Variants in RUSF1 observed in about 807,000 individuals in gnomAD.
RUSF1 encodes the protein RUS family member 1.
A neutral mutation model predicts 63.0 loss-of-function variants in RUSF1; 58 were observed. The ratio of observed to expected loss-of-function variants is 0.92; its 90% confidence interval spans 0.75 to 1.15. The LOEUF is 1.15. Among genes scored for constraint, RUSF1 ranks in the 50% most tolerant of loss-of-function variants. The probability of loss-of-function intolerance (pLI) is 0.00; values close to 1 mark genes in which losing one functional copy is unlikely to be tolerated. For synonymous variants in RUSF1, 274 were observed against 255.8 expected, an observed-to-expected ratio of 1.07 and a Z score of -0.68; for missense variants, 652 against 611.0, an observed-to-expected ratio of 1.07 and a Z score of -0.71.
At chr16:31,491,243 CA>C (rs1431412802) in intron 12 of RUSF1, among the ~76,000 whole-genome samples, 1 of 152,174 alleles carries the variant, frequency 6.6e-6, no homozygotes, top group Non-Finnish European at 1.5e-5. Flanking sequence ...GATACCACTT[CA>C]AAGACCATTC....
chr16:31,501,377 T>C (rs2082632059), intron 2 of RUSF1, among the ~76,000 whole-genome samples: 1 of 152,060 alleles, frequency 6.6e-6, no homozygotes, highest in South Asian at 2.1e-4. Flanking sequence ...CAGGGACTGC[T>C]TGAGGCCAGG....
At chr16:31,494,267 T>A (rs1347386085) in intron 6 of RUSF1, among the ~76,000 whole-genome samples, 1 of 152,104 alleles carries the variant, frequency 6.6e-6, no homozygotes. Context: ...GCGCCTGTAA[T>A]CCTAGCAATC....
rs1402635582 is a variant in RUSF1, at chr16:31,500,744, A to C, written c.416-13T>G. 1.2e-6 allele frequency: 2 copies of C among 1,611,964 alleles called. No homozygotes were observed. Among genetic ancestry groups the C allele is most frequent in the African/African-American group, 1.3e-5 (1 of 75,024 alleles). ...ATGCCAGTTGAATCTGGGGGAAAGA[A>C]GGCACAGGTAAGGAGCAAGGAAGAG... On this transcript the variant is annotated splice_polypyrimidine_tract_variant and intron_variant, in intron 2 of 12. Coordinates refer to ENST00000327237, the MANE Select transcript of RUSF1 (RefSeq NM_022744.4).
At chr16:31,500,989 G>C (rs2082630492) in intron 2 of RUSF1, among the ~76,000 whole-genome samples, 1 of 152,122 alleles carries the variant, frequency 6.6e-6, no homozygotes, top group South Asian at 2.1e-4. Context: ...AAAAACCTGG[G>C]AATAATGCAA....
chr16:31,505,329 C>T (rs560403470), intron 2 of RUSF1, among the ~76,000 whole-genome samples: 2 of 152,036 alleles, frequency 1.3e-5, no homozygotes, highest in African/African-American at 4.8e-5. Context: ...GTTCTCCTGC[C>T]GCATTCCCCT....
chr16:31,507,492 G>T (rs1305690168), intron 2 of RUSF1, among the ~76,000 whole-genome samples: 1 of 152,168 alleles, frequency 6.6e-6, no homozygotes, highest in Non-Finnish European at 1.5e-5. Context: ...AGAGAATAGG[G>T]ATAAAGGGGA....
At position 31,489,598 on chromosome 16, in the gene RUSF1, A is replaced by C; in HGVS notation, c.*1237T>G. ...CCTTGGCATGGCCTTTGGGACTCAA[A>C]ACACAGGATCTGACTGGTGGGCACA... On this transcript the variant is annotated 3_prime_UTR_variant, in exon 13 of 13. Coordinates refer to ENST00000327237, the MANE Select transcript of RUSF1 (RefSeq NM_022744.4). 1.7e-6 allele frequency: 1 copy of C among 579,308 alleles called. No individual in the cohort carries two copies. Among genetic ancestry groups the C allele is most frequent in the South Asian group, 2.0e-5 (1 of 49,870 alleles). The allele number at this position is 579,308 out of a possible 1,614,324, so 35.9% of individuals were successfully genotyped here.
chr16:31,501,847 A>G (rs2082634507), intron 2 of RUSF1, among the ~76,000 whole-genome samples: 1 of 152,204 alleles, frequency 6.6e-6, no homozygotes, highest in East Asian at 1.9e-4. Context: ...TTAGACCAGG[A>G]ATCACTAAAC....
At chr16:31,495,579 A>G (rs9927250) in intron 6 of RUSF1, among the ~76,000 whole-genome samples, 119,871 of 151,966 alleles carry the variant, frequency 0.79, 47,605 homozygotes, top group Admixed American at 0.85. Context: ...AGGTCTGGGG[A>G]CCAGCGAGAG....
intron 2 of RUSF1, among the ~76,000 whole-genome samples, chr16:31,507,166 G>A (rs1198489886): frequency 2.0e-5 from 3 of 152,210 alleles, no homozygotes; most frequent in Admixed American, 2.0e-4. Context: ...AAGCCATGGG[G>A]CCTCCTCGTG....
intron 3 of RUSF1, among the ~76,000 whole-genome samples, chr16:31,500,085 G>A (rs192900901): frequency 1.7e-4 from 26 of 152,184 alleles, no homozygotes; most frequent in East Asian, 1.2e-3. Context: ...TGCCCTTTTC[G>A]TCAGACAGTG....
In RUSF1 at chr16:31,493,176, C is replaced by T. The variant is rs2082582558; in HGVS notation, c.1017-128G>A. On this transcript the variant is annotated intron_variant, in intron 9 of 12. Transcript: ENST00000327237. ...TCACTCAGGTCCCCTCGCTTCCTCT[C>T]TCCCTCAGCCATTACCCATACACAC... is the stretch of plus-strand genomic sequence containing the variant. The T allele has an allele frequency of 2.9e-6, 3 of 1,020,558 alleles. No homozygotes were observed. In the East Asian group the frequency reaches 7.8e-5, roughly 26 times the overall value. 63.2% of individuals were successfully genotyped at this position (1,020,558 alleles called of 1,614,324 possible). A position where few individuals can be genotyped will look rare whatever the true frequency, so the allele number is the denominator to read the frequency against.
chr16:31,493,960 G>A (rs1262705742), intron 6 of RUSF1, 24 bp from the exon 7 acceptor site: 1 of 1,611,920 alleles, frequency 6.2e-7, no homozygotes, highest in Admixed American at 1.7e-5. Flanking sequence ...GAGGGAGAAG[G>A]AGTTGGAAGG....
intron 9 of RUSF1, 189 bp downstream of exon 9, chr16:31,493,278 T>G (rs930209221): frequency 4.5e-6 from 4 of 895,192 alleles, no homozygotes; most frequent in Middle Eastern, 2.1e-4. Flanking sequence ...ATCAAGCACA[T>G]CTCTTACATC....
intron 2 of RUSF1, among the ~76,000 whole-genome samples, chr16:31,502,165 T>C (rs2082636034): frequency 6.6e-6 from 1 of 152,138 alleles, no homozygotes; most frequent in Non-Finnish European, 1.5e-5. Context: ...GATTTGGACT[T>C]GTCTGAGCTT....
chr16:31,507,467 T>C (rs537885022), intron 2 of RUSF1, among the ~76,000 whole-genome samples: 1 of 152,290 alleles, frequency 6.6e-6, no homozygotes, highest in East Asian at 1.9e-4. Context: ...TGCATTCTTA[T>C]GCAATCTTCC....
intron 6 of RUSF1, 135 bp from the exon 7 acceptor site, chr16:31,494,071 G>C: frequency 1.0e-6 from 1 of 964,206 alleles, no homozygotes; most frequent in Non-Finnish European, 1.6e-6. Context: ...TAAATTTTTA[G>C]TTTTTGGTGG....
chr16:31,491,883 G>T, intron 12 of RUSF1, 126 bp downstream of exon 12: 1 of 981,574 alleles, frequency 1.0e-6, no homozygotes. Flanking sequence ...ATAGGTGTGA[G>T]CCTCTGCACC....
chr16:31,497,491 C>T (rs1239144519), intron 5 of RUSF1, among the ~76,000 whole-genome samples: 3 of 152,196 alleles, frequency 2.0e-5, no homozygotes, highest in Non-Finnish European at 4.4e-5. Flanking sequence ...TTACTTATTA[C>T]TATTTTTATT....
Sources: allele counts gnomAD v4.1 joint callset (sites outside exome capture counted in the v4.1 genomes callset), GRCh38; gene constraint gnomAD v4.1.1; transcripts MANE v1.5; gene names NCBI Gene and HGNC (gene_info 2026-07-23, HGNC 2026-07-21).